Variants in FAM193A observed in about 807,000 individuals in gnomAD.
The protein encoded by FAM193A is protein FAM193A.
FAM193A carries 22 observed loss-of-function variants against 126.5 expected under a neutral mutation model. That is an observed-to-expected ratio of 0.17 (90% CI 0.12 to 0.25). The LOEUF is 0.25. Among genes scored for constraint, FAM193A ranks in the 10% least tolerant of loss-of-function variants. The pLI is 1.00. For synonymous variants in FAM193A, 761 were observed against 646.8 expected (o/e 1.18, Z -2.68); for missense variants, 1,675 against 1,672.8 (o/e 1.00, Z -0.02).
At chr4:2,638,056 G>C (rs1363274251) in intron 5 of FAM193A, among the ~76,000 whole-genome samples, 1 of 152,230 alleles carries the variant, frequency 6.6e-6, no homozygotes, top group Non-Finnish European at 1.5e-5. Flanking sequence ...TCCACTCATA[G>C]ACAGGCAGGT....
At chr4:2,576,591 C>A (rs1364541637) in intron 1 of FAM193A, among the ~76,000 whole-genome samples, 1 of 152,174 alleles carries the variant, frequency 6.6e-6, no homozygotes, top group East Asian at 1.9e-4. Context: ...CTCTGTCTCC[C>A]AGGCTGGAGA....
rs532652122 is a variant in FAM193A at position 2,720,682 on chromosome 4, A to G, written c.4454+4578A>G. On this transcript the variant is annotated intron_variant, in intron 20 of 20. Transcript: ENST00000637812. The stretch of plus-strand genomic sequence containing the variant: ...AAAAAAAACAGTTATTTTTCTCTAT[A>G]CCCACACCACAAATAATTGGAAATG... Among the ~76,000 whole-genome samples, 279 of 151,922 alleles carry G rather than the reference A, an allele frequency of 1.8e-3. 1 individual carries two copies. The highest frequency in any genetic ancestry group is 2.5e-3 in the Non-Finnish European group (167 of 67,962).
intron 5 of FAM193A, among the ~76,000 whole-genome samples, chr4:2,632,508 A>G (rs1743693503): frequency 6.6e-6 from 1 of 152,352 alleles, no homozygotes; most frequent in South Asian, 2.1e-4. Context: ...GTGGTGAGCC[A>G]GTGTACTCCA....
Position 2,731,937 on chromosome 4 carries a change from T to A in FAM193A, c.*69T>A. 2 of 1,197,660 alleles carry A rather than the reference T, an allele frequency of 1.7e-6. No individual in the cohort carries two copies. The highest frequency in any genetic ancestry group is 2.5e-6 in the Non-Finnish European group (2 of 805,654). The allele number at this position is 1,197,660 out of a possible 1,614,324, so 74.2% of individuals were successfully genotyped here. On this transcript the variant is annotated 3_prime_UTR_variant, in exon 21 of 21. Coordinates refer to ENST00000637812, the MANE Select transcript of FAM193A (RefSeq NM_001366318.2). Reference sequence around the variant, plus strand: ...TGCACCACCCCAAGAGCCACGCCCCTCGCTGGCGCCCCAGAGCCGTGGTGC... The same window carrying A: ...TGCACCACCCCAAGAGCCACGCCCCACGCTGGCGCCCCAGAGCCGTGGTGC...
At chr4:2,654,903 G>T (rs1711516081) in intron 7 of FAM193A, 2 of 471,526 alleles carry the variant, frequency 4.2e-6, no homozygotes, top group Non-Finnish European at 7.6e-6. Context: ...GATGCCCTGT[G>T]ACCAGTCATC....
chr4:2,630,025 G>T (rs554359521), intron 4 of FAM193A, among the ~76,000 whole-genome samples: 1 of 151,760 alleles, frequency 6.6e-6, no homozygotes, highest in Middle Eastern at 3.2e-3. Context: ...CCAGCTATTC[G>T]GGAGGCTGAG....
At chr4:2,686,145 C>CA (rs892579344) in intron 13 of FAM193A, among the ~76,000 whole-genome samples, 2 of 152,182 alleles carry the variant, frequency 1.3e-5, no homozygotes, top group Non-Finnish European at 2.9e-5. Context: ...GCATCTTCTG[C>CA]AAAAGCATTA....
intron 2 of FAM193A, among the ~76,000 whole-genome samples, chr4:2,603,038 A>T (rs1427657871): frequency 8.2e-6 from 1 of 121,492 alleles, no homozygotes. Flanking sequence ...GCGCCATCTC[A>T]GCTCACTGCA....
At chr4:2,676,011 C>T (rs1166066207) in intron 13 of FAM193A, among the ~76,000 whole-genome samples, 1 of 152,154 alleles carries the variant, frequency 6.6e-6, no homozygotes, top group African/African-American at 2.4e-5. Flanking sequence ...TATGGCTGTA[C>T]CCTATTTTGT....
intron 1 of FAM193A, among the ~76,000 whole-genome samples, chr4:2,555,825 G>T (rs933845774): frequency 2.0e-5 from 3 of 152,036 alleles, no homozygotes; most frequent in Non-Finnish European, 4.4e-5. Flanking sequence ...CACCGTGTTA[G>T]CCGGGTGGTC....
intron 1 of FAM193A, among the ~76,000 whole-genome samples, chr4:2,582,227 C>T (rs944323659): frequency 6.6e-6 from 1 of 152,088 alleles, no homozygotes; most frequent in Non-Finnish European, 1.5e-5. Context: ...GATCACAGCT[C>T]ACTGCAGCTT....
At chr4:2,664,635 C>T (rs1712895222) in intron 12 of FAM193A, among the ~76,000 whole-genome samples, 2 of 135,148 alleles carry the variant, frequency 1.5e-5, no homozygotes, top group South Asian at 2.4e-4. Context: ...GGCGCGATCT[C>T]GCCTCACTGC....
At chr4:2,674,289 G>C (rs17164090) in intron 13 of FAM193A, among the ~76,000 whole-genome samples, 52,452 of 151,496 alleles carry the variant, frequency 0.35, 10,685 homozygotes, top group Admixed American at 0.54. Context: ...GGCTTAGTTG[G>C]ATGCTGTTGA....
At chr4:2,578,786 ATG>A (rs897036450) in intron 1 of FAM193A, among the ~76,000 whole-genome samples, 2 of 152,160 alleles carry the variant, frequency 1.3e-5, no homozygotes, top group African/African-American at 4.8e-5. Flanking sequence ...AGAAAATAAA[ATG>A]TTATATTTAC....
At chr4:2,654,915 C>T (rs952710406) in intron 7 of FAM193A, 29 of 466,782 alleles carry the variant, frequency 6.2e-5, no homozygotes, top group Non-Finnish European at 9.6e-5. Flanking sequence ...CCAGTCATCT[C>T]GCCAGATGCC....
chr4:2,552,907 G>C (rs1027714537), intron 1 of FAM193A, among the ~76,000 whole-genome samples: 1 of 148,044 alleles, frequency 6.8e-6, no homozygotes, highest in Admixed American at 6.8e-5. Context: ...GAGTGCAGTG[G>C]TGCAGTCTTG....
chr4:2,550,265 C>T (rs1737829643), intron 1 of FAM193A, among the ~76,000 whole-genome samples: 1 of 151,826 alleles, frequency 6.6e-6, no homozygotes, highest in Admixed American at 6.6e-5. Context: ...AGGCTGATCT[C>T]GAACTCCTGG....
At chr4:2,680,781 A>G (rs1325524547) in intron 13 of FAM193A, among the ~76,000 whole-genome samples, 1 of 151,998 alleles carries the variant, frequency 6.6e-6, no homozygotes, top group African/African-American at 2.4e-5. Context: ...AGTTGGGATT[A>G]CAGGCGCCCA....
At chr4:2,695,676 T>A (rs981259655) in intron 17 of FAM193A, among the ~76,000 whole-genome samples, 5 of 152,296 alleles carry the variant, frequency 3.3e-5, no homozygotes, top group African/African-American at 1.2e-4. Flanking sequence ...GGCAGTAGGA[T>A]TCAGGGCTTT....
Sources: allele counts gnomAD v4.1 joint callset (sites outside exome capture counted in the v4.1 genomes callset), GRCh38; gene constraint gnomAD v4.1.1; transcripts MANE v1.5; gene names NCBI Gene and HGNC (gene_info 2026-07-23, HGNC 2026-07-21).